The following PARP3 variants were observed in gnomAD, a reference collection of about 807,000 sequenced individuals.
PARP3 encodes protein mono-ADP-ribosyltransferase PARP3.
A neutral mutation model predicts 58.2 loss-of-function variants in PARP3; 46 were observed. That is an observed-to-expected ratio of 0.79 (90% CI 0.62 to 1.01). The LOEUF is 1.01. PARP3 is among the 50% of genes least tolerant of loss of function. The pLI, the probability that PARP3 is intolerant of heterozygous loss-of-function variation, is 0.00. For synonymous variants in PARP3, 252 were observed against 266.4 expected (o/e 0.95, Z 0.53); for missense variants, 663 against 683.9 (o/e 0.97, Z 0.34).
In PARP3 at chr3:51,945,586, A is replaced by T. The variant is rs1189457117; in HGVS notation, c.953A>T (p.Asp318Val). Residue 318 changes from aspartate (D) to valine (V), a missense_variant, in exon 7 of 11, where the codon GAC becomes GTC. Asp to Val is a radical substitution (Grantham distance 152, BLOSUM62 -3). This residue lies in a region of PARP3 where 567 missense variants were observed against 553.6 expected (regional missense o/e 1.02). Transcript: ENST00000398755. The stretch of plus-strand genomic sequence containing the variant: ...GAGGTGCCACACCCCCTGGACCGAG[A>T]CTACCAGCTTCTCAAGTGCCAGCTG... ...VEEVPHPLDRDYQLLKCQLQL... is the reference protein window; with the variant it reads ...VEEVPHPLDRVYQLLKCQLQL... 1 of 1,613,826 alleles carries T rather than the reference A, an allele frequency of 6.2e-7. No individual in the cohort carries two copies. Among genetic ancestry groups the T allele is most frequent in the Non-Finnish European group, 8.5e-7 (1 of 1,180,012 alleles).
rs1314518975 is a variant in PARP3 at position 51,946,943 on chromosome 3, T to C, written c.1276+600T>C. Among the ~76,000 whole-genome samples, 1 of 152,192 alleles carries C rather than the reference T, an allele frequency of 6.6e-6. No individual in the cohort carries two copies. The highest frequency in any genetic ancestry group is 1.5e-5 in the Non-Finnish European group (1 of 68,040). On this transcript the variant is annotated intron_variant, in intron 9 of 10. Transcript: ENST00000398755. The surrounding 1 kb of genome is among the most constrained non-coding windows in gnomAD (Gnocchi z 4.6). ...GAGGCTTTATCCAGAGAGTGATGGT[T>C]AGCCCAGCTGGACTTGTCTGTAGCA...
In PARP3 at chr3:51,944,206, T is replaced by C; in HGVS notation, c.301T>C (p.Trp101Arg). ...SNRFFTCWNR[W>R]GRVGEVGQSK... ...CCGCTTCTTCACCTGCTGGAACCGC[T>C]GGGGCCGTGTGGTGAGTGCCCTGCC... Residue 101 changes from tryptophan to arginine, a missense_variant, in exon 3 of 11, where the codon TGG (tryptophan) becomes CGG (arginine). Physicochemically the swap from Trp to Arg is moderately radical, Grantham distance 101. Coordinates refer to ENST00000398755, the MANE Select transcript of PARP3 (RefSeq NM_001003931.4). The surrounding 1 kb of genome is among the most constrained non-coding windows in gnomAD (Gnocchi z 4.2). The C allele has an allele frequency of 1.2e-6, 2 of 1,613,976 alleles. No individual in the cohort carries two copies. The highest frequency in any genetic ancestry group is 1.7e-6 in the Non-Finnish European group (2 of 1,180,008).
intron 1 of PARP3, chr3:51,943,088 C>T: frequency 1.6e-6 from 2 of 1,288,736 alleles, no homozygotes; most frequent in South Asian, 1.7e-5. Flanking sequence ...CCCTGTTGAC[C>T]AGAGTGGGCA....
At chr3:51,942,925 C>T (rs1024304678) in intron 1 of PARP3, 2 of 1,414,932 alleles carry the variant, frequency 1.4e-6, no homozygotes, top group African/African-American at 2.9e-5. Context: ...CACCCTCCCC[C>T]ATAGCTCGGT....
chr3:51,945,787 G>A, intron 7 of PARP3, 66 bp from the exon 8 acceptor site: 1 of 1,541,278 alleles, frequency 6.5e-7, no homozygotes, highest in Non-Finnish European at 9.0e-7. Context: ...GGGACTGGGG[G>A]AAGAAAAATG....
intron 2 of PARP3, 130 bp from the exon 3 acceptor site, chr3:51,943,959 G>C (rs577581911): frequency 4.8e-4 from 379 of 797,736 alleles, no homozygotes; most frequent in Admixed American, 3.0e-3. Flanking sequence ...ACCCCCCCAA[G>C]CTTCCAAGAC....
chr3:51,947,933 T>A, intron 10 of PARP3, 38 bp downstream of exon 10: 1 of 1,591,648 alleles, frequency 6.3e-7, no homozygotes, highest in Non-Finnish European at 8.6e-7. Flanking sequence ...AGGAGAGAGG[T>A]GGGGCCGAGA....
In PARP3 at chr3:51,948,009, A is replaced by G. The variant is rs1390961747; in HGVS notation, c.1432+114A>G. On this transcript the variant is annotated intron_variant, in intron 10 of 10. Transcript: ENST00000398755. Reference sequence around the variant, plus strand: ...GACAAAAAGAAGCTTCCCTGTCGTCACTCAGTTTGTCATTTGACAAACATC... The same window carrying G: ...GACAAAAAGAAGCTTCCCTGTCGTCGCTCAGTTTGTCATTTGACAAACATC... 3.7e-6 allele frequency: 4 copies of G among 1,073,150 alleles called. No individual in the cohort carries two copies. The African/African-American group carries it at 6.3e-5, about 17-fold the overall frequency. 66.5% of individuals were successfully genotyped at this position (1,073,150 alleles called of 1,614,324 possible). A position where few individuals can be genotyped will look rare whatever the true frequency, so the allele number is the denominator to read the frequency against.
chr3:51,944,013 C>T lies in PARP3; in HGVS notation c.184-76C>T. 1.4e-6 allele frequency: 2 copies of T among 1,447,234 alleles called. No homozygotes were observed. The highest frequency in any genetic ancestry group is 1.9e-6 in the Non-Finnish European group (2 of 1,055,144). The allele number at this position is 1,447,234 out of a possible 1,614,324, so 89.6% of individuals were successfully genotyped here. ...ACTGCCGTCAGACTCCTGTCCCCATCAGAGCCCTCTCGGTGTACGGCCAGG... is the reference window on the plus strand; with the variant it reads ...ACTGCCGTCAGACTCCTGTCCCCATTAGAGCCCTCTCGGTGTACGGCCAGG... On this transcript the variant is annotated intron_variant, in intron 2 of 10. Transcript: ENST00000398755. This position sits in a 1 kb window ranked among gnomAD's most constrained non-coding sequence, Gnocchi z 4.2.
In PARP3 at chr3:51,942,477, G is replaced by C. The variant is rs1450662582; in HGVS notation, c.-234G>C. 1.6e-6 allele frequency: 1 copy of C among 644,502 alleles called. No homozygotes were observed. The highest frequency in any genetic ancestry group is 2.8e-6 in the Non-Finnish European group (1 of 351,196). The allele number at this position is 644,502 out of a possible 1,614,324, so 39.9% of individuals were successfully genotyped here. A position where few individuals can be genotyped will look rare whatever the true frequency, so the allele number is the denominator to read the frequency against. On this transcript the variant is annotated 5_prime_UTR_variant, in exon 1 of 11. Transcript: ENST00000398755. ...GAGTGTCCACCCGTCCGTGGGACTG[G>C]TCGCCTGACTCGGCCTGCCCCAGCC...
chr3:51,943,664 G>A (rs1577656319), intron 2 of PARP3, 126 bp downstream of exon 2: 1 of 879,150 alleles, frequency 1.1e-6, no homozygotes, highest in Non-Finnish European at 1.8e-6. Context: ...GCCAGAGCAA[G>A]GCCATGTTCT....
At chr3:51,947,285 A>T (rs1010404553) in intron 9 of PARP3, among the ~76,000 whole-genome samples, 1 of 152,240 alleles carries the variant, frequency 6.6e-6, no homozygotes, top group Non-Finnish European at 1.5e-5. Context: ...AGGACCAAGG[A>T]TTCATCCCAG....
intron 6 of PARP3, 135 bp downstream of exon 6, chr3:51,945,359 G>T: frequency 2.9e-6 from 4 of 1,375,106 alleles, no homozygotes; most frequent in South Asian, 1.4e-5. Context: ...GGTGGGGAAG[G>T]CTGGGCAGAC....
At chr3:51,943,159 A>C in intron 1 of PARP3, 195 bp from the exon 2 acceptor site, 1 of 941,344 alleles carries the variant, frequency 1.1e-6, no homozygotes, top group Non-Finnish European at 1.5e-6. Context: ...CTGAGTGACA[A>C]AGAGCTGGGT....
Position 51,946,232 on chromosome 3 carries a change from G to T in PARP3, c.1165G>T (p.Ala389Ser), listed in dbSNP as rs373811748. 5.0e-6 allele frequency: 8 copies of T among 1,613,784 alleles called. No individual in the cohort carries two copies. The highest frequency in any genetic ancestry group is 6.8e-6 in the Non-Finnish European group (8 of 1,179,854). ...GCTGCTGTGGCATGGCACCAACATGGCCGTGGTGGCCGCCATCCTCACTAG... is the reference window on the plus strand; with the variant it reads ...GCTGCTGTGGCATGGCACCAACATGTCCGTGGTGGCCGCCATCCTCACTAG... ...RKLLWHGTNM[A>S]VVAAILTSGL... Residue 389 changes from alanine (A) to serine (S), a missense_variant, in exon 9 of 11, where the codon GCC becomes TCC. Physicochemically the swap from Ala to Ser is moderately conservative, Grantham distance 99. Around this residue, in one of 3 missense-constraint regions of PARP3, gnomAD observed 567 missense variants for 553.6 expected, o/e 1.02. Transcript: ENST00000398755. This position sits in a 1 kb window ranked among gnomAD's most constrained non-coding sequence, Gnocchi z 4.6.
chr3:51,947,514 C>A (rs1255649485), intron 9 of PARP3: 4 of 560,782 alleles, frequency 7.1e-6, no homozygotes, highest in Non-Finnish European at 1.3e-5. Context: ...GAGGCCATTG[C>A]TGACCTTGGT....
At chr3:51,947,303 G>A (rs1252292944) in intron 9 of PARP3, among the ~76,000 whole-genome samples, 1 of 152,236 alleles carries the variant, frequency 6.6e-6, no homozygotes, top group Admixed American at 6.5e-5. Flanking sequence ...CAGAACAGAT[G>A]GGGCTGAAGT....
rs1315438963 is a variant in PARP3, at chr3:51,944,424, C to T, written c.347C>T (p.Thr116Ile). The change falls in exon 4 of 11, where the codon ACA (threonine) becomes ATA (isoleucine). Residue 116 changes from threonine (T) to isoleucine (I), a missense_variant. Transcript: ENST00000398755. The surrounding 1 kb of genome is among the most constrained non-coding windows in gnomAD (Gnocchi z 4.2). ...EVGQSKINHF[T>I]RLEDAKKDFE... ...GGCCAGTCAAAGATCAACCACTTCA[C>T]AAGGCTAGAAGATGCAAAGAAGGAC... 1 of 1,614,006 alleles carries T rather than the reference C, an allele frequency of 6.2e-7. No homozygotes were observed. Among genetic ancestry groups the T allele is most frequent in the Non-Finnish European group, 8.5e-7 (1 of 1,180,036 alleles).
At position 51,944,997 on chromosome 3, in the gene PARP3, G is replaced by C; in HGVS notation, c.635-1G>C. On this transcript the variant is annotated splice_acceptor_variant, in intron 5 of 10. Coordinates refer to ENST00000398755, the MANE Select transcript of PARP3 (RefSeq NM_001003931.4). LOFTEE classifies it high-confidence loss of function. This position sits in a 1 kb window ranked among gnomAD's most constrained non-coding sequence, Gnocchi z 4.2. ...GTCTCCCCACTCCCCTGTCCCCCTA[G>C]ATGTGAAGAAGATGCCCCTGGGAAA... The C allele has an allele frequency of 5.6e-6, 9 of 1,613,856 alleles. No homozygotes were observed. Among genetic ancestry groups the C allele is most frequent in the Non-Finnish European group, 7.6e-6 (9 of 1,179,996 alleles).
Sources: gnomAD v4.1 joint callset for allele counts (sites outside exome capture counted in the v4.1 genomes callset) on GRCh38, gnomAD v4.1.1 for gene constraint, gnomAD v4.1.1 regional missense constraint, Gnocchi (gnomAD v3.1) non-coding constraint, MANE v1.5 for transcripts, NCBI Gene and HGNC (gene_info 2026-07-23, HGNC 2026-07-21) for gene names.